Variants in NAA11 observed in about 807,000 individuals in gnomAD.
NAA11 encodes N-alpha-acetyltransferase 11.
A neutral mutation model predicts 16.1 loss-of-function variants in NAA11; 15 were observed. The ratio of observed to expected loss-of-function variants is 0.93; its 90% confidence interval spans 0.62 to 1.44. The LOEUF (loss-of-function observed/expected upper bound fraction) is 1.44, where lower values mean the gene tolerates loss of function less well. Ranked by LOEUF, NAA11 falls within the 40% of genes most tolerant of loss-of-function variation. The pLI is 0.00. For missense variants in NAA11, 298 were observed against 291.3 expected (o/e 1.02, Z -0.17); for synonymous variants, 122 against 112.4 (o/e 1.09, Z -0.54).
chr4:79,156,197 A>G, the NAA11 span, among the ~76,000 whole-genome samples: 14 of 152,268 alleles, frequency 9.2e-5, no homozygotes, highest in African/African-American at 3.4e-4. Context: ...AGTAAAACCC[A>G]CATATGTATA....
chr4:79,272,315 T>G (rs1722512817), intron 2 of NAA11, among the ~76,000 whole-genome samples: 1 of 152,072 alleles, frequency 6.6e-6, no homozygotes, highest in Non-Finnish European at 1.5e-5. Context: ...TGGAGTTCTA[T>G]TAAAAGAACC....
chr4:79,248,963 T>C (rs1316825582), intron 2 of NAA11, among the ~76,000 whole-genome samples: 1 of 152,120 alleles, frequency 6.6e-6, no homozygotes, highest in Non-Finnish European at 1.5e-5. Flanking sequence ...CATTGGAATG[T>C]TGTGATGAGC....
At chr4:79,232,690 AT>A (rs1721493341) in intron 2 of NAA11, among the ~76,000 whole-genome samples, 1 of 151,956 alleles carries the variant, frequency 6.6e-6, no homozygotes, top group African/African-American at 2.4e-5. Flanking sequence ...GAATTTGTTC[AT>A]GAGGGATAAC....
At position 79,305,541 on chromosome 4, in the gene NAA11, A is replaced by T. The variant is rs547947440; in HGVS notation, c.*13-11427T>A. On this transcript the variant is annotated intron_variant and NMD_transcript_variant, in intron 1 of 2. Transcript: ENST00000511542. ...TTCCTAAGCTGTGCATCTGGGTAGG[A>T]TGCTGGCACATGTTCACCTGCAGGA... Among the ~76,000 whole-genome samples the T allele has an allele frequency of 1.9e-3, 296 of 152,310 alleles. 3 individuals carry two copies. Among genetic ancestry groups the T allele is most frequent in the South Asian group, 5.2e-3 (25 of 4,826 alleles).
chr4:79,304,461 A>C (rs1723504438), intron 1 of NAA11, among the ~76,000 whole-genome samples: 1 of 152,214 alleles, frequency 6.6e-6, no homozygotes, highest in South Asian at 2.1e-4. Flanking sequence ...TTATTTTTTA[A>C]GGTACGAATA....
chr4:79,289,357 A>G (rs557629910), intron 2 of NAA11, among the ~76,000 whole-genome samples: 19 of 152,390 alleles, frequency 1.2e-4, no homozygotes, highest in African/African-American at 4.6e-4. Context: ...TTCAAAAGCA[A>G]AATATTTGCA....
At chr4:79,162,219 C>T in the NAA11 span, among the ~76,000 whole-genome samples, 1 of 152,048 alleles carries the variant, frequency 6.6e-6, no homozygotes, top group Non-Finnish European at 1.5e-5. Flanking sequence ...ATTTTGATAA[C>T]CAGTAAATAT....
chr4:79,167,270 T>TATATATAGAGAG, the NAA11 span, among the ~76,000 whole-genome samples: 1 of 98,472 alleles, frequency 1.0e-5, no homozygotes, highest in African/African-American at 4.0e-5. Context: ...TATATATATA[T>TATATATAGAGAG]AGAGAGAGAG....
At chr4:79,321,027 G>C (rs1724073338) in intron 1 of NAA11, among the ~76,000 whole-genome samples, 1 of 152,202 alleles carries the variant, frequency 6.6e-6, no homozygotes, top group South Asian at 2.1e-4. Flanking sequence ...GAGGAGAGGG[G>C]TCATTTGTCC....
At chr4:79,171,258 A>G in the NAA11 span, among the ~76,000 whole-genome samples, 326 of 152,282 alleles carry the variant, frequency 2.1e-3, 1 homozygote, top group African/African-American at 7.3e-3. Flanking sequence ...TGAATTATAT[A>G]TTGTGGGAGT....
intron 2 of NAA11, chr4:79,258,988 C>T: frequency 4.9e-6 from 1 of 203,002 alleles, no homozygotes; most frequent in Non-Finnish European, 1.0e-5. Flanking sequence ...CCAGGGCCTC[C>T]TCTTTGATGA....
At chr4:79,157,266 C>T in the NAA11 span, among the ~76,000 whole-genome samples, 1 of 152,100 alleles carries the variant, frequency 6.6e-6, no homozygotes, top group Admixed American at 6.5e-5. Flanking sequence ...CCACCTTTTC[C>T]CCTAAGTCCC....
the NAA11 span, among the ~76,000 whole-genome samples, chr4:79,206,783 C>T: frequency 6.6e-6 from 1 of 152,120 alleles, no homozygotes; most frequent in Non-Finnish European, 1.5e-5. Flanking sequence ...AAATGACCCT[C>T]TTTTCTTTTT....
At chr4:79,237,662 G>C in intron 2 of NAA11, among the ~76,000 whole-genome samples, 1 of 152,104 alleles carries the variant, frequency 6.6e-6, no homozygotes. Flanking sequence ...TGTTAAATTA[G>C]TATTACTGAG....
chr4:79,286,147 T>A lies in NAA11; in HGVS notation c.*122+7858A>T, dbSNP rs150287562. 2.2e-3 allele frequency among the ~76,000 whole-genome samples: 332 copies of A among 152,180 alleles called. 2 individuals are homozygous for A. The highest frequency in any genetic ancestry group is 0.019 in the Admixed American group (289 of 15,290). ...ATATGTTGCTCATTTTCTTTAATAA[T>A]CCTCAGATCAACTAAATTTAAGAGA... On this transcript the variant is annotated intron_variant and NMD_transcript_variant, in intron 2 of 2. Coordinates refer to the NAA11 transcript ENST00000511542.
rs552139641 is a variant in NAA11 at position 79,326,033 on chromosome 4, G to A, written c.-156C>T. ...GGCGGATGGCGGGAAGGCGGAAGGA[G>A]CAGGAGATGGAAAAGATGGTGCCAA... is the stretch of plus-strand genomic sequence containing the variant. On this transcript the variant is annotated 5_prime_UTR_variant, in exon 1 of 2. Coordinates refer to ENST00000286794, the MANE Select transcript of NAA11 (RefSeq NM_032693.3). The A allele has an allele frequency of 5.6e-5, 36 of 642,186 alleles. No homozygotes were observed. The highest frequency in any genetic ancestry group is 5.3e-4 in the African/African-American group (29 of 54,426). The allele number at this position is 642,186 out of a possible 1,614,324, so 39.8% of individuals were successfully genotyped here.
In NAA11 at chr4:79,325,932, G is replaced by T; in HGVS notation, c.-55C>A. 6.6e-7 allele frequency: 1 copy of T among 1,507,808 alleles called. No homozygotes were observed. The highest frequency in any genetic ancestry group is 9.0e-7 in the Non-Finnish European group (1 of 1,111,278). 93.4% of individuals were successfully genotyped at this position (1,507,808 alleles called of 1,614,324 possible). On this transcript the variant is annotated 5_prime_UTR_variant, in exon 1 of 2. Coordinates refer to ENST00000286794, the MANE Select transcript of NAA11 (RefSeq NM_032693.3). ...TGCAGTGAACCCAGAAGAGGCTGTC[G>T]CCGACCTTAAGGGGCACTGTTTGCC...
chr4:79,313,235 T>C (rs1723830799), downstream of NAA11, among the ~76,000 whole-genome samples: 1 of 152,166 alleles, frequency 6.6e-6, no homozygotes, highest in Admixed American at 6.5e-5. Flanking sequence ...ACAGTAACAT[T>C]TTTTACAAAT....
chr4:79,282,964 T>G lies in NAA11; in HGVS notation c.*122+11041A>C, dbSNP rs1036904397. 5.9e-5 allele frequency among the ~76,000 whole-genome samples: 9 copies of G among 151,998 alleles called. 1 individual carries two copies. The highest frequency in any genetic ancestry group is 4.6e-4 in the Admixed American group (7 of 15,232). On this transcript the variant is annotated intron_variant and NMD_transcript_variant, in intron 2 of 2. Coordinates refer to the NAA11 transcript ENST00000511542. ...GAATGGCCAGTAAGGATGGAGGAAGTAGAGTGAAGTATCTGAGAGCCAAAC... is the reference window on the plus strand; with the variant it reads ...GAATGGCCAGTAAGGATGGAGGAAGGAGAGTGAAGTATCTGAGAGCCAAAC...
Sources: gnomAD v4.1 joint callset for allele counts (sites outside exome capture counted in the v4.1 genomes callset) on GRCh38, gnomAD v4.1.1 for gene constraint, MANE v1.5 for transcripts, NCBI Gene and HGNC (gene_info 2026-07-23, HGNC 2026-07-21) for gene names.